Variants in ANXA8 observed in about 807,000 individuals in gnomAD.
ANXA8 encodes annexin A8, also known as VAC-beta.
Under a neutral mutation model 26.8 loss-of-function variants are expected in ANXA8, and 9 were observed. The observed-to-expected ratio is 0.34, with a 90% CI of 0.20 to 0.59. The LOEUF (loss-of-function observed/expected upper bound fraction) is 0.59. ANXA8 is among the 20% of genes least tolerant of loss of function. ANXA8 has a pLI of 0.84. For missense variants in ANXA8, 83 were observed against 238.5 expected, an observed-to-expected ratio of 0.35 and a Z score of 4.29; for synonymous variants, 39 against 94.8, an observed-to-expected ratio of 0.41 and a Z score of 3.42.
At chr10:47,554,119 A>AAATAAATAAATT in the ANXA8 span, among the ~76,000 whole-genome samples, 1 of 143,748 alleles carries the variant, frequency 7.0e-6, no homozygotes, top group Non-Finnish European at 1.5e-5. Flanking sequence ...AAAAATAAAT[A>AAATAAATAAATT]AATAAATAAA....
chr10:47,605,957 A>G, the ANXA8 span, among the ~76,000 whole-genome samples: 2 of 150,854 alleles, frequency 1.3e-5, no homozygotes, highest in Admixed American at 6.6e-5. Flanking sequence ...TCAAACATCT[A>G]TCCTTCCAAA....
At chr10:47,974,882 T>G in the ANXA8 span, among the ~76,000 whole-genome samples, 1 of 149,660 alleles carries the variant, frequency 6.7e-6, no homozygotes, top group African/African-American at 2.4e-5. Context: ...GGTTGTTGGG[T>G]GGAGTGAATG....
upstream of ANXA8, chr10:47,487,390 T>C: frequency 2.0e-6 from 2 of 1,019,326 alleles, no homozygotes; most frequent in Non-Finnish European, 2.8e-6. Flanking sequence ...CTGGGCTTTC[T>C]TTATGGCTTC....
At chr10:47,733,166 T>TTTCTTTCTTTC in the ANXA8 span, among the ~76,000 whole-genome samples, 5 of 100,372 alleles carry the variant, frequency 5.0e-5, no homozygotes, top group South Asian at 2.1e-3. Flanking sequence ...TCTTTCTTTC[T>TTTCTTTCTTTC]TTCTTTCTTT....
At chr10:47,940,298 CT>C in the ANXA8 span, among the ~76,000 whole-genome samples, 1 of 144,568 alleles carries the variant, frequency 6.9e-6, no homozygotes, top group Non-Finnish European at 1.5e-5. Flanking sequence ...ATAATGCCCC[CT>C]GAGAGGACAG....
the ANXA8 span, among the ~76,000 whole-genome samples, chr10:47,776,798 G>A: frequency 6.6e-6 from 1 of 151,852 alleles, no homozygotes; most frequent in Non-Finnish European, 1.5e-5. Flanking sequence ...CTTCAAATAA[G>A]ATTGGCTTAA....
chr10:47,694,811 A>G, the ANXA8 span, among the ~76,000 whole-genome samples: 2 of 151,588 alleles, frequency 1.3e-5, no homozygotes, highest in African/African-American at 4.9e-5. Flanking sequence ...TAGCAATAGA[A>G]TGAAGAGATG....
At chr10:47,954,672 T>C in the ANXA8 span, among the ~76,000 whole-genome samples, 1 of 151,092 alleles carries the variant, frequency 6.6e-6, no homozygotes, top group Non-Finnish European at 1.5e-5. Flanking sequence ...TCCATAAATA[T>C]ATACACCTAC....
chr10:47,484,587 C>T (rs1195219676), upstream of ANXA8: 31 of 1,205,344 alleles, frequency 2.6e-5, no homozygotes, highest in Middle Eastern at 2.8e-4. Flanking sequence ...AGCTCCATCA[C>T]CCCCCAGGCT....
the ANXA8 span, among the ~76,000 whole-genome samples, chr10:47,650,437 T>A: frequency 1.3e-5 from 2 of 151,694 alleles, no homozygotes; most frequent in Non-Finnish European, 2.9e-5. Context: ...AAATTGTGTA[T>A]CTGTTAAGGG....
chr10:47,647,529 A>C, the ANXA8 span, among the ~76,000 whole-genome samples: 4 of 149,860 alleles, frequency 2.7e-5, no homozygotes, highest in Admixed American at 2.0e-4. Context: ...AGTTCTATAT[A>C]GATAGACCTG....
At chr10:47,700,506 A>T in the ANXA8 span, among the ~76,000 whole-genome samples, 1 of 151,782 alleles carries the variant, frequency 6.6e-6, no homozygotes, top group African/African-American at 2.4e-5. Context: ...TAAACACCAT[A>T]TGGATTAATA....
At chr10:47,777,152 G>A in the ANXA8 span, among the ~76,000 whole-genome samples, 9 of 151,446 alleles carry the variant, frequency 5.9e-5, no homozygotes, top group African/African-American at 2.2e-4. Context: ...GTGTGATCGG[G>A]GGCAATTAGC....
the ANXA8 span, chr10:47,549,489 T>C: frequency 4.6e-6 from 4 of 870,792 alleles, no homozygotes; most frequent in Middle Eastern, 6.7e-4. Context: ...AAACACCACA[T>C]ACGTTTACAG....
chr10:47,725,499 A>G, the ANXA8 span, among the ~76,000 whole-genome samples: 2 of 122,232 alleles, frequency 1.6e-5, no homozygotes, highest in Non-Finnish European at 3.5e-5. Flanking sequence ...CTTTGAGTTA[A>G]GTTTTGTATA....
At chr10:47,485,289 C>T (rs1840014656), upstream of ANXA8, among the ~76,000 whole-genome samples, 1 of 151,932 alleles carries the variant, frequency 6.6e-6, no homozygotes, top group Non-Finnish European at 1.5e-5. Context: ...CTGTGTGTGC[C>T]TGTGCATACC....
the ANXA8 span, among the ~76,000 whole-genome samples, chr10:47,546,221 A>G: frequency 7.1e-6 from 1 of 141,086 alleles, no homozygotes; most frequent in Non-Finnish European, 1.5e-5. Flanking sequence ...CAGAAAAAAA[A>G]AAAAAATCTT....
the ANXA8 span, among the ~76,000 whole-genome samples, chr10:47,597,425 A>T: frequency 6.8e-6 from 1 of 147,798 alleles, no homozygotes; most frequent in Admixed American, 6.6e-5. Flanking sequence ...GACAAAAGCA[A>T]GAAACAAAAG....
At chr10:47,639,919 A>C in the ANXA8 span, among the ~76,000 whole-genome samples, 1 of 145,348 alleles carries the variant, frequency 6.9e-6, no homozygotes, top group Admixed American at 6.7e-5. Flanking sequence ...CTGGGACTAC[A>C]GGTGAGCACC....
Sources: allele counts gnomAD v4.1 joint callset (sites outside exome capture counted in the v4.1 genomes callset), GRCh38; gene constraint gnomAD v4.1.1; transcripts MANE v1.5; gene names NCBI Gene and HGNC (gene_info 2026-07-23, HGNC 2026-07-21).